The following EXTL3 variants were observed in gnomAD, a reference collection of about 807,000 sequenced individuals.
The protein encoded by EXTL3 is exostosin-like 3.
EXTL3 carries 27 observed loss-of-function variants against 69.3 expected under a neutral mutation model. The observed-to-expected ratio is 0.39, with a 90% CI of 0.29 to 0.54. The LOEUF (loss-of-function observed/expected upper bound fraction) is 0.54, where lower values mean the gene tolerates loss of function less well. Ranked by LOEUF, EXTL3 falls within the 20% of genes least tolerant of loss-of-function variation. The probability of loss-of-function intolerance (pLI) is 0.69; values close to 1 mark genes in which losing one functional copy is unlikely to be tolerated. For missense variants in EXTL3, 1,003 were observed against 1,231.8 expected, an observed-to-expected ratio of 0.81 and a Z score of 2.78; for synonymous variants, 511 against 499.4, an observed-to-expected ratio of 1.02 and a Z score of -0.31.
intron 2 of EXTL3, among the ~76,000 whole-genome samples, chr8:28,609,610 G>A (rs932588075): frequency 6.6e-6 from 1 of 152,100 alleles, no homozygotes; most frequent in Non-Finnish European, 1.5e-5. Context: ...GCAAGGCCAG[G>A]CACGGTAGCT....
intron 1 of EXTL3, among the ~76,000 whole-genome samples, chr8:28,635,546 C>CAA (rs1214659044): frequency 0.018 from 2,072 of 115,896 alleles, 54 homozygotes; most frequent in African/African-American, 0.058. Context: ...CTAAAAAATA[C>CAA]AAAAAAAAAA....
intron 6 of EXTL3, among the ~76,000 whole-genome samples, chr8:28,745,992 T>A (rs1801880820): frequency 6.6e-6 from 1 of 152,216 alleles, no homozygotes; most frequent in Admixed American, 6.5e-5. Flanking sequence ...TCTTAGTAAT[T>A]CCTTCAACTT....
intron 1 of EXTL3, among the ~76,000 whole-genome samples, chr8:28,666,876 C>T (rs1377131764): frequency 3.9e-5 from 6 of 152,180 alleles, no homozygotes; most frequent in African/African-American, 2.4e-5. Flanking sequence ...CGCCCAGCCC[C>T]AGCCACTCCT....
intron 1 of EXTL3, among the ~76,000 whole-genome samples, chr8:28,674,384 C>A (rs899694703): frequency 6.6e-6 from 1 of 152,146 alleles, no homozygotes; most frequent in Non-Finnish European, 1.5e-5. Context: ...ATATATGATA[C>A]TTTCGAACAT....
In EXTL3 at chr8:28,717,595, C is replaced by G; in HGVS notation, c.1536C>G (p.Gly512=). 6.2e-7 allele frequency: 1 copy of G among 1,614,256 alleles called. No homozygotes were observed. Among genetic ancestry groups the G allele is most frequent in the East Asian group, 2.2e-5 (1 of 44,884 alleles). Residue 512 remains glycine, a synonymous_variant, in exon 3 of 7, where the codon GGC becomes GGG. Coordinates refer to ENST00000220562, the MANE Select transcript of EXTL3 (RefSeq NM_001440.4). The surrounding 1 kb of genome is among the most constrained non-coding windows in gnomAD (Gnocchi z 8.3). ...ACCTCCTGGCTATGAGGCGGCAAGGCCGCTTTCTCTGGGAGACTTACTTCT... is the reference window on the plus strand; with the variant it reads ...ACCTCCTGGCTATGAGGCGGCAAGGGCGCTTTCTCTGGGAGACTTACTTCT... ...DSDLLAMRRQ[G]RFLWETYFST... is the part of the protein sequence containing the mutation.
chr8:28,705,091 T>G (rs907957573), intron 1 of EXTL3, among the ~76,000 whole-genome samples: 1 of 152,196 alleles, frequency 6.6e-6, no homozygotes, highest in Admixed American at 6.5e-5. Flanking sequence ...GCCTGAAATC[T>G]TGGAGGTGAA....
chr8:28,655,230 G>A (rs149028100), intron 1 of EXTL3, among the ~76,000 whole-genome samples: 149 of 152,262 alleles, frequency 9.8e-4, no homozygotes, highest in Non-Finnish European at 1.7e-3. Context: ...AGGATCACTT[G>A]AGTCCAGGAA....
rs1457115730 is a variant in EXTL3 at position 28,750,080 on chromosome 8, GC to G, written c.2551-575del. ...TTCTGAGGGGTTTTTATGCCATTCG[GC>G]CTGCCACATTGTAATGAAGCTGTCC... On this transcript the variant is annotated intron_variant, in intron 6 of 6. Transcript: ENST00000220562. The surrounding 1 kb of genome is among the most constrained non-coding windows in gnomAD (Gnocchi z 5.2). 6.6e-6 allele frequency among the ~76,000 whole-genome samples: 1 copy of G among 152,134 alleles called. No individual in the cohort carries two copies. Among genetic ancestry groups the G allele is most frequent in the African/African-American group, 2.4e-5 (1 of 41,436 alleles).
At position 28,743,119 on chromosome 8, in the gene EXTL3, C is replaced by T; in HGVS notation, c.2455C>T (p.Gln819Ter). The T allele has an allele frequency of 6.2e-7, 1 of 1,614,144 alleles. No homozygotes were observed. Among genetic ancestry groups the T allele is most frequent in the Non-Finnish European group, 8.5e-7 (1 of 1,179,974 alleles). ...YAYLYSYVMP[Q>*]AIRDMVDEYI... The stretch of plus-strand genomic sequence containing the variant: ...CTACCTGTATTCTTATGTGATGCCC[C>T]AGGCCATCCGGGACATGGTGGATGA... Residue 819 changes from glutamine (Q) to a stop codon, truncating the protein, a stop_gained, in exon 6 of 7, where the codon CAG becomes TAG. Transcript: ENST00000220562. LOFTEE classifies it high-confidence loss of function.
chr8:28,714,405 A>T lies in EXTL3; in HGVS notation c.-476+855A>T, dbSNP rs1198086360. ...AGACTATTACACCTTTAATAGTTAA[A>T]CATCTTTGACAGAGGTAGAAGCTAG... On this transcript the variant is annotated intron_variant, in intron 2 of 6. Coordinates refer to ENST00000220562, the MANE Select transcript of EXTL3 (RefSeq NM_001440.4). 3.9e-5 allele frequency among the ~76,000 whole-genome samples: 6 copies of T among 152,216 alleles called. No individual in the cohort carries two copies. In the South Asian group the frequency reaches 1.2e-3, roughly 31 times the overall value.
At chr8:28,736,350 G>A (rs2130781830) in intron 4 of EXTL3, among the ~76,000 whole-genome samples, 1 of 152,282 alleles carries the variant, frequency 6.6e-6, no homozygotes, top group East Asian at 1.9e-4. Flanking sequence ...AGTGATGAGG[G>A]AGTTTGCAGG....
At chr8:28,654,255 T>C (rs950969571) in intron 1 of EXTL3, among the ~76,000 whole-genome samples, 1 of 152,200 alleles carries the variant, frequency 6.6e-6, no homozygotes, top group Non-Finnish European at 1.5e-5. Context: ...GTCATGGTTT[T>C]TGAGAATTAT....
upstream of EXTL3, chr8:28,697,252 G>C (rs1297098874): frequency 6.6e-6 from 1 of 152,062 alleles, no homozygotes; most frequent in East Asian, 1.9e-4. Context: ...TCTTTTTTGG[G>C]AACAAGCTCT....
intron 1 of EXTL3, among the ~76,000 whole-genome samples, chr8:28,634,289 C>T (rs912814033): frequency 2.6e-5 from 4 of 152,154 alleles, no homozygotes; most frequent in Non-Finnish European, 1.5e-5. Context: ...CAAAGTTCTT[C>T]ATTGTTCTTA....
chr8:28,689,455 GCTGT>G (rs1442304788), intron 1 of EXTL3, among the ~76,000 whole-genome samples: 2 of 152,108 alleles, frequency 1.3e-5, no homozygotes, highest in Admixed American at 6.6e-5. Context: ...GATCTGACTA[GCTGT>G]CTCTTTGCTT....
intron 4 of EXTL3, among the ~76,000 whole-genome samples, chr8:28,735,498 T>C (rs1052432565): frequency 6.6e-6 from 1 of 152,232 alleles, no homozygotes; most frequent in East Asian, 1.9e-4. Context: ...TTAATGTGTC[T>C]CTTAACTGTC....
intron 1 of EXTL3, among the ~76,000 whole-genome samples, chr8:28,708,917 A>G (rs1800975965): frequency 6.6e-6 from 1 of 152,182 alleles, no homozygotes. Flanking sequence ...TACTTTGAAT[A>G]TAGTGTTGGT....
At chr8:28,707,347 G>A (rs1800945295) in intron 1 of EXTL3, among the ~76,000 whole-genome samples, 1 of 152,208 alleles carries the variant, frequency 6.6e-6, no homozygotes, top group Non-Finnish European at 1.5e-5. Flanking sequence ...TGCTTCATCG[G>A]TGAAGTGGAA....
intron 1 of EXTL3, among the ~76,000 whole-genome samples, chr8:28,671,257 C>T (rs1437826480): frequency 6.7e-6 from 1 of 150,088 alleles, no homozygotes; most frequent in Non-Finnish European, 1.5e-5. Flanking sequence ...GCTGGGATTA[C>T]AGGCATGAGC....
Sources: gnomAD v4.1 joint callset for allele counts (sites outside exome capture counted in the v4.1 genomes callset) on GRCh38, gnomAD v4.1.1 for gene constraint, Gnocchi (gnomAD v3.1) non-coding constraint, MANE v1.5 for transcripts, NCBI Gene and HGNC (gene_info 2026-07-23, HGNC 2026-07-21) for gene names.